Variants in CTCF observed in about 807,000 individuals in gnomAD.
The protein encoded by CTCF is transcriptional repressor CTCF.
In CTCF, 7 loss-of-function variants were observed where a neutral mutation model predicts 72.3. The observed-to-expected ratio is 0.10, with a 90% CI of 0.06 to 0.18. The LOEUF (loss-of-function observed/expected upper bound fraction) is 0.18, where lower values mean the gene tolerates loss of function less well. Among genes scored for constraint, CTCF ranks in the 10% least tolerant of loss-of-function variants. The pLI is 1.00. For synonymous variants in CTCF, 374 were observed against 315.8 expected (o/e 1.18, Z -1.95); for missense variants, 516 against 949.1 (o/e 0.54, Z 6.00).
chr16:67,567,034 G>A (rs899042787), intron 1 of CTCF, among the ~76,000 whole-genome samples: 4 of 151,992 alleles, frequency 2.6e-5, no homozygotes, highest in Non-Finnish European at 5.9e-5. Flanking sequence ...TAGGTATGGG[G>A]TTTTGTCATG....
In CTCF at chr16:67,637,825, A is replaced by G; in HGVS notation, c.2137A>G (p.Asn713Asp). ...CCAGCCAGCTGCCACAGATGCCCCCAACGGAGACCTCACGCCCGAGATGAT... is the reference window on the plus strand; with the variant it reads ...CCAGCCAGCTGCCACAGATGCCCCCGACGGAGACCTCACGCCCGAGATGAT... ...EAQPAATDAPNGDLTPEMILS... is the reference protein window; with the variant it reads ...EAQPAATDAPDGDLTPEMILS... The change falls in exon 12 of 12, where the codon AAC becomes GAC. Residue 713 changes from asparagine (N) to aspartate (D), a missense_variant. Physicochemically the swap from Asn to Asp is conservative, Grantham distance 23. Around this residue, in one of 7 missense-constraint regions of CTCF, gnomAD observed 157 missense variants for 172.9 expected, o/e 0.91. Transcript: ENST00000264010. 1 of 1,612,684 alleles carries G rather than the reference A, an allele frequency of 6.2e-7. No homozygotes were observed.
intron 2 of CTCF, among the ~76,000 whole-genome samples, chr16:67,596,307 A>G (rs949439123): frequency 1.3e-5 from 2 of 152,104 alleles, no homozygotes; most frequent in African/African-American, 4.8e-5. Flanking sequence ...ATGCTGTCAC[A>G]TTATTTTAGT....
intron 2 of CTCF, among the ~76,000 whole-genome samples, chr16:67,587,063 C>G (rs955237826): frequency 1.3e-5 from 2 of 148,630 alleles, no homozygotes; most frequent in Non-Finnish European, 3.0e-5. Context: ...CTGCTACTTG[C>G]TAAAGATGTC....
intron 7 of CTCF, among the ~76,000 whole-genome samples, chr16:67,623,777 C>G (rs528188949): frequency 6.6e-6 from 1 of 151,920 alleles, no homozygotes; most frequent in East Asian, 1.9e-4. Flanking sequence ...TAGCCGGGCA[C>G]GGTGGCTCAC....
At chr16:67,617,011 C>G in intron 5 of CTCF, 133 bp downstream of exon 5, 1 of 847,142 alleles carries the variant, frequency 1.2e-6, no homozygotes, top group South Asian at 1.7e-5. Flanking sequence ...CACTCCCACA[C>G]AACACCGCTC....
intron 2 of CTCF, among the ~76,000 whole-genome samples, chr16:67,587,392 A>T (rs2142756724): frequency 6.6e-6 from 1 of 151,366 alleles, no homozygotes; most frequent in South Asian, 2.1e-4. Flanking sequence ...TTACAGGACA[A>T]CCCCTTTACC....
chr16:67,589,341 G>A (rs1354853338), intron 2 of CTCF, among the ~76,000 whole-genome samples: 1 of 151,948 alleles, frequency 6.6e-6, no homozygotes, highest in African/African-American at 2.4e-5. Flanking sequence ...AATTTGAGAT[G>A]GCTTAATACA....
chr16:67,624,113 GTGTA>G (rs1409272856), intron 7 of CTCF, among the ~76,000 whole-genome samples: 152 of 132,574 alleles, frequency 1.1e-3, no homozygotes, highest in African/African-American at 3.8e-3. Flanking sequence ...GTGTGTGTGT[GTGTA>G]TGTGTGTGTA....
At chr16:67,609,377 A>AC (rs1293042208) in intron 2 of CTCF, among the ~76,000 whole-genome samples, 1 of 152,104 alleles carries the variant, frequency 6.6e-6, no homozygotes, top group Non-Finnish European at 1.5e-5. Flanking sequence ...TATGTCCTTT[A>AC]CCAGTGTCTT....
Position 67,562,659 on chromosome 16 carries a change from A to C in CTCF, c.-192A>C, listed in dbSNP as rs1246203203. On this transcript the variant is annotated 5_prime_UTR_variant, in exon 1 of 12. Coordinates refer to ENST00000264010, the MANE Select transcript of CTCF (RefSeq NM_006565.4). Reference sequence around the variant, plus strand: ...GGTGCGGACGCGCGGAGCTCGCCGGAGACGCCGGGTGGCCGGAGCCGTGGA... The same window carrying C: ...GGTGCGGACGCGCGGAGCTCGCCGGCGACGCCGGGTGGCCGGAGCCGTGGA... 6.6e-6 allele frequency: 1 copy of C among 152,562 alleles called. No individual in the cohort carries two copies. Among genetic ancestry groups the C allele is most frequent in the Non-Finnish European group, 1.5e-5 (1 of 68,586 alleles). 9.5% of individuals were successfully genotyped at this position (152,562 alleles called of 1,614,324 possible).
rs371652969 is a variant in CTCF at position 67,610,916 on chromosome 16, C to T, written c.84C>T (p.Arg28=). ...KGKERKTYQR[R]REGGQEEDAC... ...AGGAGAGAAAGACTTACCAGAGACGCCGGGAAGGGGGCCAGGAAGAAGATG... is the reference window on the plus strand; with the variant it reads ...AGGAGAGAAAGACTTACCAGAGACGTCGGGAAGGGGGCCAGGAAGAAGATG... Residue 28 remains arginine (R), a synonymous_variant, in exon 3 of 12, where the codon CGC becomes CGT. Coordinates refer to ENST00000264010, the MANE Select transcript of CTCF (RefSeq NM_006565.4). 1.5e-4 allele frequency: 233 copies of T among 1,539,324 alleles called. No homozygotes were observed. Among genetic ancestry groups the T allele is most frequent in the Non-Finnish European group, 1.8e-4 (208 of 1,142,740 alleles).
At chr16:67,588,836 G>A (rs1040188883) in intron 2 of CTCF, among the ~76,000 whole-genome samples, 3 of 151,868 alleles carry the variant, frequency 2.0e-5, no homozygotes, top group Non-Finnish European at 4.4e-5. Context: ...ACAGGTGCAC[G>A]CCACCACACC....
chr16:67,563,420 A>G (rs1236754961), intron 1 of CTCF: 1 of 152,154 alleles, frequency 6.6e-6, no homozygotes, highest in Non-Finnish European at 1.5e-5. Context: ...CTGCGAGCAG[A>G]GGGACCCCAG....
chr16:67,617,429 G>T (rs2052146277), intron 5 of CTCF, among the ~76,000 whole-genome samples: 1 of 152,168 alleles, frequency 6.6e-6, no homozygotes, highest in Admixed American at 6.6e-5. Context: ...AACCCCAGAG[G>T]CAGAGCTTGC....
At chr16:67,572,950 C>G (rs1027494239) in intron 2 of CTCF, among the ~76,000 whole-genome samples, 2 of 125,576 alleles carry the variant, frequency 1.6e-5, no homozygotes, top group African/African-American at 6.1e-5. Flanking sequence ...CCCCCCCGCC[C>G]CCCCCCCCAA....
At chr16:67,594,085 G>A (rs1371355431) in intron 2 of CTCF, among the ~76,000 whole-genome samples, 2 of 152,100 alleles carry the variant, frequency 1.3e-5, no homozygotes, top group Admixed American at 6.6e-5. Context: ...CTGTAATTGT[G>A]TTTTTGGGAA....
rs1301417108 is a variant in CTCF at position 67,638,022 on chromosome 16, GA to G, written c.*157del. On this transcript the variant is annotated 3_prime_UTR_variant, in exon 12 of 12. Transcript: ENST00000264010. ...AACGAAAACTTCAAGGATGATGTTAGAAAAAAATGTGATTTAACTAGAACTT... is the reference window on the plus strand; with the variant it reads ...AACGAAAACTTCAAGGATGATGTTAGAAAAAATGTGATTTAACTAGAACTT... 8.9e-6 allele frequency: 6 copies of G among 676,856 alleles called. No individual in the cohort carries two copies. Among genetic ancestry groups the G allele is most frequent in the Admixed American group, 3.0e-5 (1 of 33,438 alleles). The allele number at this position is 676,856 out of a possible 1,614,324, so 41.9% of individuals were successfully genotyped here.
At chr16:67,567,807 G>T (rs2051362073) in intron 1 of CTCF, 1 of 150,706 alleles carries the variant, frequency 6.6e-6, no homozygotes, top group Non-Finnish European at 1.5e-5. Context: ...GCTCAGGCTG[G>T]TCTTGAACTC....
At chr16:67,590,675 G>C (rs764962170) in intron 2 of CTCF, among the ~76,000 whole-genome samples, 1 of 151,448 alleles carries the variant, frequency 6.6e-6, no homozygotes, top group Non-Finnish European at 1.5e-5. Flanking sequence ...CACGGTGATC[G>C]GCCAGGTGTG....
Sources: allele counts gnomAD v4.1 joint callset (sites outside exome capture counted in the v4.1 genomes callset), GRCh38; gene constraint gnomAD v4.1.1; regional missense constraint gnomAD v4.1.1; transcripts MANE v1.5; gene names NCBI Gene and HGNC (gene_info 2026-07-23, HGNC 2026-07-21).